Variants in CHRM3 observed in about 807,000 individuals in gnomAD.
The protein encoded by CHRM3 is cholinergic receptor muscarinic 3.
A neutral mutation model predicts 41.8 loss-of-function variants in CHRM3; 11 were observed. That is an observed-to-expected ratio of 0.26 (90% confidence interval 0.17 to 0.44). The LOEUF (loss-of-function observed/expected upper bound fraction) is 0.44, where lower values mean the gene tolerates loss of function less well. Ranked by LOEUF, CHRM3 falls within the 20% of genes least tolerant of loss-of-function variation. The pLI is 1.00. For missense variants in CHRM3, 571 were observed against 745.4 expected (o/e 0.77, Z 2.72); for synonymous variants, 297 against 301.4 (o/e 0.99, Z 0.15).
chr1:239,630,451 C>T (rs1669688691), intron 3 of CHRM3, among the ~76,000 whole-genome samples: 1 of 152,150 alleles, frequency 6.6e-6, no homozygotes, highest in African/African-American at 2.4e-5. Context: ...ATGGAGTTAA[C>T]TGAGTACTTG....
At chr1:239,402,771 C>G (rs1660089415) in intron 1 of CHRM3, among the ~76,000 whole-genome samples, 1 of 152,172 alleles carries the variant, frequency 6.6e-6, no homozygotes, top group Non-Finnish European at 1.5e-5. Context: ...GCTCAAGTCT[C>G]TTGTATAAAA....
intron 3 of CHRM3, among the ~76,000 whole-genome samples, chr1:239,597,863 T>TTTG (rs1664984317): frequency 6.7e-6 from 1 of 148,436 alleles, no homozygotes. Context: ...TCAGAGTTTT[T>TTTG]TTTTTTTTTT....
At chr1:239,477,552 G>A (rs946427169) in intron 1 of CHRM3, among the ~76,000 whole-genome samples, 4 of 152,150 alleles carry the variant, frequency 2.6e-5, no homozygotes, top group African/African-American at 9.7e-5. Context: ...AAGAAGAAAT[G>A]AGCCAACTTT....
At chr1:239,899,710 A>G (rs1212655398) in intron 6 of CHRM3, 1 of 152,166 alleles carries the variant, frequency 6.6e-6, no homozygotes, top group Non-Finnish European at 1.5e-5. Flanking sequence ...TATACTAAGT[A>G]TATATACATA....
intron 3 of CHRM3, among the ~76,000 whole-genome samples, chr1:239,571,397 A>C (rs1661811873): frequency 6.6e-6 from 1 of 152,194 alleles, no homozygotes. Context: ...CTGACTGTCC[A>C]GCACTTCAAA....
At chr1:239,848,360 A>G (rs1175263186) in intron 6 of CHRM3, among the ~76,000 whole-genome samples, 1 of 152,184 alleles carries the variant, frequency 6.6e-6, no homozygotes, top group Non-Finnish European at 1.5e-5. Flanking sequence ...TCTAACCCAC[A>G]ACAAATTACA....
At chr1:239,446,676 A>C (rs1467361717) in intron 1 of CHRM3, among the ~76,000 whole-genome samples, 1 of 152,194 alleles carries the variant, frequency 6.6e-6, no homozygotes, top group Non-Finnish European at 1.5e-5. Flanking sequence ...TCTGTTGAAA[A>C]AACAACTTGG....
At chr1:239,897,977 G>A (rs1247336000) in intron 6 of CHRM3, 1 of 152,072 alleles carries the variant, frequency 6.6e-6, no homozygotes, top group East Asian at 1.9e-4. Flanking sequence ...GCAACCGAGG[G>A]AGGAGGCAGC....
intron 6 of CHRM3, among the ~76,000 whole-genome samples, chr1:239,849,720 C>A (rs1344622977): frequency 2.0e-5 from 3 of 152,130 alleles, no homozygotes; most frequent in Non-Finnish European, 1.5e-5. Flanking sequence ...AATTGCTTCA[C>A]CTCTTATTCC....
intron 1 of CHRM3, among the ~76,000 whole-genome samples, chr1:239,450,790 C>T (rs1281733819): frequency 6.6e-6 from 1 of 152,224 alleles, no homozygotes; most frequent in Non-Finnish European, 1.5e-5. Context: ...AAGGGCAGGA[C>T]TCATCACACA....
At chr1:239,715,301 A>G (rs1043834269) in intron 5 of CHRM3, among the ~76,000 whole-genome samples, 4 of 152,168 alleles carry the variant, frequency 2.6e-5, no homozygotes, top group African/African-American at 9.6e-5. Context: ...TATAACTAGA[A>G]GAGGAAATAG....
At chr1:239,418,791 G>A (rs1319908515) in intron 1 of CHRM3, among the ~76,000 whole-genome samples, 2 of 152,160 alleles carry the variant, frequency 1.3e-5, no homozygotes, top group African/African-American at 4.8e-5. Flanking sequence ...CCAGGGAAGG[G>A]AAACAGTGCC....
In CHRM3 at chr1:239,908,640, G is replaced by A; in HGVS notation, c.1189G>A (p.Gly397Arg). The A allele has an allele frequency of 6.2e-7, 1 of 1,611,896 alleles. No homozygotes were observed. The highest frequency in any genetic ancestry group is 8.5e-7 in the Non-Finnish European group (1 of 1,179,090). ...CCTGCAGGTGCCTGAGGAGGAGCTGGGGATGGTGGACTTGGAGAGGAAAGC... is the reference window on the plus strand; with the variant it reads ...CCTGCAGGTGCCTGAGGAGGAGCTGAGGATGGTGGACTTGGAGAGGAAAGC... ...DNLQVPEEEL[G>R]MVDLERKADK... Residue 397 changes from glycine to arginine, a missense_variant, in exon 7 of 7, where the codon GGG (glycine) becomes AGG (arginine). Physicochemically the swap from Gly to Arg is moderately radical, Grantham distance 125. This residue lies in a region of CHRM3 where 239 missense variants were observed against 239.6 expected (regional missense o/e 1.00). Coordinates refer to ENST00000676153, the MANE Select transcript of CHRM3 (RefSeq NM_001375978.1). This position sits in a 1 kb window ranked among gnomAD's most constrained non-coding sequence, Gnocchi z 7.2.
At chr1:239,607,250 G>A (rs989311462) in intron 3 of CHRM3, among the ~76,000 whole-genome samples, 2 of 152,122 alleles carry the variant, frequency 1.3e-5, no homozygotes, top group African/African-American at 4.8e-5. Context: ...AAGGAGAATA[G>A]TAGTAGTACC....
At chr1:239,737,611 A>G (rs1177418430) in intron 5 of CHRM3, among the ~76,000 whole-genome samples, 1 of 152,112 alleles carries the variant, frequency 6.6e-6, no homozygotes, top group African/African-American at 2.4e-5. Flanking sequence ...TTCTTCTTGC[A>G]CATTTGTATC....
intron 4 of CHRM3, among the ~76,000 whole-genome samples, chr1:239,656,014 A>G (rs1164800602): frequency 6.6e-6 from 1 of 152,188 alleles, no homozygotes; most frequent in Non-Finnish European, 1.5e-5. Flanking sequence ...GTGGCAACAT[A>G]GATGTTGCTA....
chr1:239,517,401 A>C (rs577716702), intron 2 of CHRM3, among the ~76,000 whole-genome samples: 48 of 152,370 alleles, frequency 3.2e-4, no homozygotes, highest in African/African-American at 1.1e-3. Flanking sequence ...GTGACAAAGC[A>C]AAAGTTCAAG....
intron 3 of CHRM3, among the ~76,000 whole-genome samples, chr1:239,553,653 C>G (rs1031643560): frequency 1.3e-5 from 2 of 152,154 alleles, no homozygotes; most frequent in Admixed American, 1.3e-4. Flanking sequence ...AGTGTCTTTT[C>G]TATCCCATCC....
At chr1:239,802,170 T>A (rs910784558) in intron 5 of CHRM3, among the ~76,000 whole-genome samples, 2 of 152,202 alleles carry the variant, frequency 1.3e-5, no homozygotes, top group African/African-American at 4.8e-5. Context: ...CAAGCAGCTT[T>A]GAAATGATGT....
Sources: allele counts gnomAD v4.1 joint callset (sites outside exome capture counted in the v4.1 genomes callset), GRCh38; gene constraint gnomAD v4.1.1; regional missense constraint gnomAD v4.1.1; non-coding constraint Gnocchi (gnomAD v3.1); transcripts MANE v1.5; gene names NCBI Gene and HGNC (gene_info 2026-07-23, HGNC 2026-07-21).